Variants in PSD3 observed in about 807,000 individuals in gnomAD.
PSD3 encodes the protein PH and SEC7 domain-containing protein 3.
A neutral mutation model predicts 105.5 loss-of-function variants in PSD3; 49 were observed. The ratio of observed to expected loss-of-function variants is 0.46; its 90% CI spans 0.37 to 0.59. The LOEUF is 0.59. Ranked by LOEUF, PSD3 falls within the 20% of genes least tolerant of loss-of-function variation. The pLI is 0.00. For synonymous variants in PSD3, 557 were observed against 457.8 expected, an observed-to-expected ratio of 1.22 and a Z score of -2.77; for missense variants, 1,561 against 1,263.8, an observed-to-expected ratio of 1.24 and a Z score of -3.57.
Position 18,923,899 on chromosome 8 carries a change from C to T in PSD3, c.130+12135G>A, listed in dbSNP as rs28702843. Reference sequence around the variant, plus strand: ...CAGCTACTTTAAATATATATATATACATATATGTGTGTGTTTTATATATAT... The same window carrying T: ...CAGCTACTTTAAATATATATATATATATATATGTGTGTGTTTTATATATAT... On this transcript the variant is annotated intron_variant, in intron 2 of 15. Coordinates refer to ENST00000327040, the MANE Select transcript of PSD3 (RefSeq NM_015310.4). Among the ~76,000 whole-genome samples, 22 of 145,854 alleles carry T rather than the reference C, an allele frequency of 1.5e-4. No homozygotes were observed. In the South Asian group the frequency reaches 4.7e-3, roughly 31 times the overall value.
intron 1 of PSD3, among the ~76,000 whole-genome samples, chr8:18,968,161 CTG>C (rs1397778845): frequency 2.6e-5 from 4 of 152,164 alleles, no homozygotes; most frequent in South Asian, 2.1e-4. Flanking sequence ...GCACACAAAA[CTG>C]TGCACCACTT....
intron 10 of PSD3, among the ~76,000 whole-genome samples, chr8:18,653,159 G>A (rs573391974): frequency 6.6e-5 from 10 of 152,080 alleles, no homozygotes; most frequent in African/African-American, 2.2e-4. Flanking sequence ...TTCCACAGGA[G>A]GAAACACTGA....
rs763035880 is a variant in PSD3, at chr8:18,936,036, G to A, written c.128C>T (p.Thr43Ile). The change falls in exon 2 of 16, where the codon ACT (threonine) becomes ATT (isoleucine). Residue 43 changes from threonine to isoleucine, a missense_variant and splice_region_variant. Transcript: ENST00000327040. ...GAGGGATATGAGGAAATACTTACTAGTATCTGGAGCTTTCCCTTCAGATCT... is the reference window on the plus strand; with the variant it reads ...GAGGGATATGAGGAAATACTTACTAATATCTGGAGCTTTCCCTTCAGATCT... ...FGRSEGKAPD[T>I]SDHGGSTLLP... The A allele has an allele frequency of 1.1e-5, 17 of 1,592,702 alleles. No homozygotes were observed. The highest frequency in any genetic ancestry group is 2.2e-5 in the East Asian group (1 of 44,782).
intron 9 of PSD3, among the ~76,000 whole-genome samples, chr8:18,724,907 G>A (rs989976249): frequency 6.6e-6 from 1 of 152,176 alleles, no homozygotes; most frequent in Admixed American, 6.5e-5. Context: ...GGGAACAATG[G>A]GAGATGTGGA....
intron 1 of PSD3, among the ~76,000 whole-genome samples, chr8:19,027,686 A>G (rs1296998998): frequency 6.6e-6 from 1 of 152,196 alleles, no homozygotes; most frequent in Non-Finnish European, 1.5e-5. Context: ...CTGTATTAAT[A>G]GATTCCTATG....
At chr8:18,625,856 C>G (rs1806436280) in intron 11 of PSD3, among the ~76,000 whole-genome samples, 1 of 152,008 alleles carries the variant, frequency 6.6e-6, no homozygotes, top group Admixed American at 6.6e-5. Flanking sequence ...GGATAAAGCT[C>G]TAATATTTAG....
At chr8:18,975,314 ATT>A (rs71218914) in intron 1 of PSD3, among the ~76,000 whole-genome samples, 47,919 of 144,132 alleles carry the variant, frequency 0.33, 7,247 homozygotes, top group Middle Eastern at 0.5. Flanking sequence ...ATTTTCTGAA[ATT>A]TTTTTTTTTT....
chr8:18,799,208 G>T (rs1014540617), intron 8 of PSD3, 87 bp downstream of exon 8: 19 of 1,187,138 alleles, frequency 1.6e-5, no homozygotes, highest in East Asian at 1.2e-4. Flanking sequence ...ATGGGAAACG[G>T]GGAGGCAGAA....
At chr8:18,683,924 G>A (rs573988806) in intron 9 of PSD3, 7 of 762,750 alleles carry the variant, frequency 9.2e-6, no homozygotes, top group African/African-American at 6.8e-5. Flanking sequence ...CACTATTCAC[G>A]CCAATCATTT....
intron 2 of PSD3, among the ~76,000 whole-genome samples, chr8:18,933,656 C>G (rs1821892820): frequency 6.6e-6 from 1 of 152,066 alleles, no homozygotes; most frequent in South Asian, 2.1e-4. Context: ...TTAGTAGAGA[C>G]AGGCTTTCAC....
At chr8:18,941,221 C>T (rs1379251036) in intron 1 of PSD3, among the ~76,000 whole-genome samples, 1 of 152,178 alleles carries the variant, frequency 6.6e-6, no homozygotes, top group East Asian at 1.9e-4. Flanking sequence ...GAACATGAAA[C>T]ATTAGCAGCT....
At chr8:18,977,351 GC>G (rs1331623676) in intron 1 of PSD3, among the ~76,000 whole-genome samples, 2 of 151,540 alleles carry the variant, frequency 1.3e-5, no homozygotes, top group African/African-American at 4.9e-5. Context: ...TAAACACTTA[GC>G]CTCAGTATCC....
chr8:18,731,384 G>C (rs1585759653), intron 9 of PSD3, among the ~76,000 whole-genome samples: 1 of 152,214 alleles, frequency 6.6e-6, no homozygotes, highest in South Asian at 2.1e-4. Flanking sequence ...AACAAATCAT[G>C]AAAGTGACAT....
intron 2 of PSD3, 123 bp from the exon 3 acceptor site, chr8:18,872,856 T>C (rs1817485319): frequency 1.4e-5 from 13 of 959,650 alleles, no homozygotes; most frequent in South Asian, 3.5e-5. Flanking sequence ...TTGCATTATA[T>C]CAGTCCTCCC....
At chr8:18,918,513 C>T (rs141123076) in intron 2 of PSD3, among the ~76,000 whole-genome samples, 1 of 152,196 alleles carries the variant, frequency 6.6e-6, no homozygotes, top group Non-Finnish European at 1.5e-5. Flanking sequence ...TCTAGCCCAG[C>T]AACTACAGGT....
chr8:19,076,572 G>A (rs1004495589), intron 1 of PSD3, among the ~76,000 whole-genome samples: 1 of 152,108 alleles, frequency 6.6e-6, no homozygotes, highest in African/African-American at 2.4e-5. Context: ...AGATTAGAGT[G>A]ATTACTTATA....
intron 11 of PSD3, among the ~76,000 whole-genome samples, chr8:18,630,848 C>A (rs573407229): frequency 6.6e-6 from 1 of 151,980 alleles, no homozygotes; most frequent in South Asian, 2.1e-4. Flanking sequence ...AACATAACAA[C>A]TATTTACACA....
At chr8:18,834,637 G>A (rs764375852) in intron 4 of PSD3, among the ~76,000 whole-genome samples, 1 of 152,152 alleles carries the variant, frequency 6.6e-6, no homozygotes, top group Non-Finnish European at 1.5e-5. Context: ...GACTGGGTAC[G>A]TGAACTGAAA....
intron 2 of PSD3, among the ~76,000 whole-genome samples, chr8:18,901,049 G>A (rs1467639151): frequency 1.3e-5 from 2 of 152,138 alleles, no homozygotes; most frequent in Admixed American, 6.5e-5. Context: ...ACAGTCTGGT[G>A]TATATAAGTT....
Sources: allele counts gnomAD v4.1 joint callset (sites outside exome capture counted in the v4.1 genomes callset), GRCh38; gene constraint gnomAD v4.1.1; transcripts MANE v1.5; gene names NCBI Gene and HGNC (gene_info 2026-07-23, HGNC 2026-07-21).